The following ZNF286A variants were observed in gnomAD, a reference collection of about 807,000 sequenced individuals.
ZNF286A encodes the protein zinc finger protein 286A.
Under a neutral mutation model 49.3 loss-of-function variants are expected in ZNF286A, and 34 were observed. That is an observed-to-expected ratio of 0.69 (90% confidence interval 0.52 to 0.92). ZNF286A has a LOEUF of 0.92. Ranked by LOEUF, ZNF286A falls within the 40% of genes least tolerant of loss-of-function variation. The probability of loss-of-function intolerance (pLI) is 0.00; values close to 1 mark genes in which losing one functional copy is unlikely to be tolerated. For synonymous variants in ZNF286A, 155 were observed against 200.4 expected (o/e 0.77, Z 1.91); for missense variants, 462 against 600.2 (o/e 0.77, Z 2.41).
intron 3 of ZNF286A, among the ~76,000 whole-genome samples, chr17:15,703,788 A>C (rs747667164): frequency 2.6e-5 from 4 of 152,172 alleles, no homozygotes; most frequent in South Asian, 2.1e-4. Flanking sequence ...TCAAACTTTT[A>C]TTGCCATGTG....
rs186966264 is a variant in ZNF286A, at chr17:15,699,796, T to C, written c.-196+19T>C. On this transcript the variant is annotated intron_variant, in intron 1 of 5. Coordinates refer to ENST00000583566, the MANE Select transcript of ZNF286A (RefSeq NM_001130842.2). ...ATGGGAGGTGAGTTGCTTGTGGTGA[T>C]GTCGCTCGTCTCGGCTCGGCCTCGG... is the stretch of plus-strand genomic sequence containing the variant. The C allele has an allele frequency of 4.3e-6, 3 of 702,914 alleles. No individual in the cohort carries two copies. Among genetic ancestry groups the C allele is most frequent in the Admixed American group, 4.0e-5 (2 of 50,016 alleles). The allele number at this position is 702,914 out of a possible 1,614,324, so 43.5% of individuals were successfully genotyped here. A position where few individuals can be genotyped will look rare whatever the true frequency, so the allele number is the denominator to read the frequency against.
In ZNF286A at chr17:15,717,284, A is replaced by T. The variant is rs1457388488; in HGVS notation, c.1560A>T (p.Gln520His). ...ATCAAAGAGTTCACACTGAAGAGCA[A>T]CCCTGAAAAATTACTGAATGTGAAG... ...IRHQRVHTEE[Q>H]P is the part of the protein sequence containing the mutation. Residue 520 changes from glutamine to histidine, a missense_variant, in exon 6 of 6, where the codon CAA (glutamine) becomes CAT (histidine). Gln to His is a conservative substitution (Grantham distance 24). Around this residue, in one of 3 missense-constraint regions of ZNF286A, gnomAD observed 201 missense variants for 311.3 expected, o/e 0.65. Transcript: ENST00000583566. 1 of 1,570,388 alleles carries T rather than the reference A, an allele frequency of 6.4e-7. No individual in the cohort carries two copies. The highest frequency in any genetic ancestry group is 8.6e-7 in the Non-Finnish European group (1 of 1,158,726).
At position 15,716,623 on chromosome 17, in the gene ZNF286A, G is replaced by A; in HGVS notation, c.899G>A (p.Cys300Tyr). The change falls in exon 6 of 6, where the codon TGC becomes TAC. Residue 300 changes from cysteine to tyrosine, a missense_variant. Transcript: ENST00000583566. ...ACTCATACTAGAATTCTCTTTGAAT[G>A]CAGTGAATGCAAGAAAACCTTCACA... is the stretch of plus-strand genomic sequence containing the variant. The part of the protein sequence containing the change: ...QRTHTRILFE[C>Y]SECKKTFTES... The A allele has an allele frequency of 6.2e-7, 1 of 1,614,104 alleles. No homozygotes were observed. The highest frequency in any genetic ancestry group is 2.2e-5 in the East Asian group (1 of 44,872).
In ZNF286A at chr17:15,717,045, A is replaced by G; in HGVS notation, c.1321A>G (p.Asn441Asp). 6.2e-7 allele frequency: 1 copy of G among 1,614,130 alleles called. No homozygotes were observed. Among genetic ancestry groups the G allele is most frequent in the East Asian group, 2.2e-5 (1 of 44,870 alleles). Residue 441 changes from asparagine to aspartate, a missense_variant, in exon 6 of 6, where the codon AAT (asparagine) becomes GAT (aspartate). By Grantham distance (23) the Asn-to-Asp change is conservative. This residue lies in a region of ZNF286A where 201 missense variants were observed against 311.3 expected (regional missense o/e 0.65). Transcript: ENST00000583566. ...IHTGEKPYEC[N>D]ECGKTFSRSS... ...CACTGGAGAGAAACCCTATGAGTGT[A>G]ATGAATGTGGGAAAACCTTCAGCCG...
Position 15,699,857 on chromosome 17 carries a change from G to T in ZNF286A, c.-196+80G>T, listed in dbSNP as rs1458651020. ...CCGGGTCGTTCTGTGCCGAGTCGGG[G>T]CTAGAGTGCGCGTTTGTTAAAGGGG... On this transcript the variant is annotated intron_variant, in intron 1 of 5. Coordinates refer to ENST00000583566, the MANE Select transcript of ZNF286A (RefSeq NM_001130842.2). The T allele has an allele frequency of 1.4e-5, 10 of 702,020 alleles. 1 individual carries two copies. The Middle Eastern group carries it at 7.6e-4, about 53-fold the overall frequency. The allele number at this position is 702,020 out of a possible 1,614,324, so 43.5% of individuals were successfully genotyped here.
intron 3 of ZNF286A, among the ~76,000 whole-genome samples, chr17:15,703,278 A>C (rs1399860861): frequency 1.3e-5 from 2 of 151,308 alleles, no homozygotes; most frequent in Admixed American, 1.3e-4. Flanking sequence ...TATATATTTC[A>C]ATACTTTGAT....
chr17:15,716,076 C>T lies in ZNF286A; in HGVS notation c.352C>T (p.Gln118Ter), dbSNP rs1967032187. The T allele has an allele frequency of 1.2e-6, 2 of 1,613,722 alleles. No homozygotes were observed. Among genetic ancestry groups the T allele is most frequent in the Admixed American group, 1.7e-5 (1 of 59,998 alleles). ...SSYSDMETRP[Q>*]SKDSTSVQDF... ...TCTTTCAGACATGGAGACTAGACCA[C>T]AGAGCAAGGATTCAACTTCAGTGCA... Residue 118 changes from glutamine (Q) to a stop codon, truncating the protein, a stop_gained, in exon 6 of 6, where the codon CAG becomes TAG. Coordinates refer to ENST00000583566, the MANE Select transcript of ZNF286A (RefSeq NM_001130842.2). LOFTEE classifies it high-confidence loss of function.
At chr17:15,714,118 C>T (rs1966901386) in intron 5 of ZNF286A, among the ~76,000 whole-genome samples, 1 of 151,174 alleles carries the variant, frequency 6.6e-6, no homozygotes, top group Non-Finnish European at 1.5e-5. Flanking sequence ...AAAGGCACTT[C>T]AAGGATTAAA....
At chr17:15,706,031 G>T (rs890950872) in intron 3 of ZNF286A, among the ~76,000 whole-genome samples, 4 of 152,100 alleles carry the variant, frequency 2.6e-5, no homozygotes, top group Non-Finnish European at 5.9e-5. Context: ...GCATTATGTA[G>T]ACGTGACTTT....
intron 3 of ZNF286A, among the ~76,000 whole-genome samples, chr17:15,703,674 C>A (rs1023351462): frequency 6.6e-6 from 1 of 152,146 alleles, no homozygotes; most frequent in Admixed American, 6.5e-5. Context: ...CCCAACCCAG[C>A]AATAATATTT....
At chr17:15,702,468 T>C (rs1171211487) in intron 3 of ZNF286A, among the ~76,000 whole-genome samples, 3 of 144,228 alleles carry the variant, frequency 2.1e-5, no homozygotes, top group East Asian at 4.1e-4. Flanking sequence ...TGAGCCCAGA[T>C]AGGGCTACTG....
rs572566374 is a variant in ZNF286A, at chr17:15,715,614, A to G, written c.335-445A>G. ...CATTGTTAGGAAGATTAAACTGGCA[A>G]TGGAATACATATTTGGATGTGAGTA... On this transcript the variant is annotated intron_variant, in intron 5 of 5. Coordinates refer to ENST00000583566, the MANE Select transcript of ZNF286A (RefSeq NM_001130842.2). Among the ~76,000 whole-genome samples the G allele has an allele frequency of 3.9e-5, 6 of 152,262 alleles. No homozygotes were observed. The South Asian group carries it at 1.2e-3, about 32-fold the overall frequency.
chr17:15,701,986 G>T (rs528225639), intron 3 of ZNF286A, among the ~76,000 whole-genome samples: 1 of 152,096 alleles, frequency 6.6e-6, no homozygotes, highest in East Asian at 1.9e-4. Flanking sequence ...GCCAGGCATG[G>T]TGGCACGCAC....
intron 3 of ZNF286A, 55 bp downstream of exon 3, chr17:15,701,295 C>T: frequency 1.3e-6 from 2 of 1,539,728 alleles, no homozygotes; most frequent in Non-Finnish European, 1.8e-6. Flanking sequence ...TACAGATGCA[C>T]TCCCTTCTTT....
In ZNF286A at chr17:15,708,185, A is replaced by T. The variant is rs1041254960; in HGVS notation, c.272A>T (p.Asn91Ile). 1.9e-6 allele frequency: 3 copies of T among 1,598,578 alleles called. No individual in the cohort carries two copies. The African/African-American group carries it at 4.0e-5, about 22-fold the overall frequency. The change falls in exon 5 of 6, where the codon AAC (asparagine) becomes ATC (isoleucine). Residue 91 changes from asparagine to isoleucine, a missense_variant. Asn to Ile is a moderately radical substitution (Grantham distance 149). Coordinates refer to ENST00000583566, the MANE Select transcript of ZNF286A (RefSeq NM_001130842.2). ...CCAGTTTCCAAACCTGAGAGCTACA[A>T]CTTGGAGAATGGAAAAGAACCATTG... Reference protein sequence around the residue: ...WLPVSKPESYNLENGKEPLKL... With the variant: ...WLPVSKPESYILENGKEPLKL...
intron 3 of ZNF286A, among the ~76,000 whole-genome samples, chr17:15,705,078 G>A (rs1245524092): frequency 2.0e-5 from 3 of 152,042 alleles, no homozygotes; most frequent in Non-Finnish European, 4.4e-5. Context: ...CTGCCTCCCC[G>A]GTGCCCGGCA....
intron 3 of ZNF286A, chr17:15,704,858 G>A: frequency 1.2e-6 from 2 of 1,612,346 alleles, no homozygotes; most frequent in Non-Finnish European, 1.7e-6. Context: ...TTGTACACCA[G>A]GCGGATGATG....
rs749768970 is a variant in ZNF286A at position 15,716,502 on chromosome 17, C to T, written c.778C>T (p.Arg260Ter). 2.8e-5 allele frequency: 45 copies of T among 1,613,946 alleles called. No homozygotes were observed. The highest frequency in any genetic ancestry group is 1.1e-4 in the African/African-American group (8 of 74,912). ...ELFTYHSVLI[R>*]HQRVHTGEKP... ...CTTCACCTACCATTCAGTGCTTATT[C>T]GACACCAGAGAGTCCATACTGGAGA... The change falls in exon 6 of 6, where the codon CGA becomes TGA. Residue 260 changes from arginine (R) to a stop codon, truncating the protein, a stop_gained. Transcript: ENST00000583566. LOFTEE classifies it high-confidence loss of function.
chr17:15,717,107 T>C lies in ZNF286A; in HGVS notation c.1383T>C (p.Ile461=). 1 of 1,614,002 alleles carries C rather than the reference T, an allele frequency of 6.2e-7. No homozygotes were observed. Among genetic ancestry groups the C allele is most frequent in the Non-Finnish European group, 8.5e-7 (1 of 1,180,008 alleles). ...TTGCTAAACATCAAAGAATTCATAT[T>C]GGAAAGAAACCGTACAAATGTAGCG... ...SNFAKHQRIH[I]GKKPYKCSEC... is the part of the protein sequence containing the mutation. The change falls in exon 6 of 6, where the codon ATT becomes ATC. Residue 461 remains isoleucine (I), a synonymous_variant. Coordinates refer to ENST00000583566, the MANE Select transcript of ZNF286A (RefSeq NM_001130842.2).
Sources: allele counts gnomAD v4.1 joint callset (sites outside exome capture counted in the v4.1 genomes callset), GRCh38; gene constraint gnomAD v4.1.1; regional missense constraint gnomAD v4.1.1; transcripts MANE v1.5; gene names NCBI Gene and HGNC (gene_info 2026-07-23, HGNC 2026-07-21).